STK3: variants seen among roughly 807,000 people sequenced by gnomAD.
STK3 encodes serine/threonine-protein kinase 3.
STK3 carries 41 observed loss-of-function variants against 58.0 expected under a neutral mutation model. The ratio of observed to expected loss-of-function variants is 0.71; its 90% CI spans 0.55 to 0.92. The LOEUF is 0.92. STK3 is among the 40% of genes least tolerant of loss of function. The pLI, the probability that STK3 is intolerant of heterozygous loss-of-function variation, is 0.00. For synonymous variants in STK3, 170 were observed against 191.0 expected (o/e 0.89, Z 0.91); for missense variants, 479 against 602.7 (o/e 0.79, Z 2.15).
At chr8:98,849,922 C>A (rs1444157130) in intron 3 of STK3, among the ~76,000 whole-genome samples, 1 of 152,090 alleles carries the variant, frequency 6.6e-6, no homozygotes. Flanking sequence ...TGAGAGGTTA[C>A]TGAAAGGAAA....
At chr8:98,804,738 A>G (rs1833798255) in intron 1 of STK3, among the ~76,000 whole-genome samples, 3 of 152,212 alleles carry the variant, frequency 2.0e-5, no homozygotes, top group African/African-American at 7.2e-5. Flanking sequence ...AAGAAATATT[A>G]AACAGATGAA....
chr8:98,583,040 T>G (rs1361505726), intron 7 of STK3, among the ~76,000 whole-genome samples: 1 of 152,176 alleles, frequency 6.6e-6, no homozygotes, highest in Non-Finnish European at 1.5e-5. Context: ...TGATTTCTGC[T>G]GTCAATTTTG....
At chr8:98,504,497 C>A (rs1823889664) in intron 10 of STK3, among the ~76,000 whole-genome samples, 1 of 152,274 alleles carries the variant, frequency 6.6e-6, no homozygotes, top group African/African-American at 2.4e-5. Context: ...ACAGTCTTTA[C>A]AATTTGGCAT....
chr8:98,915,646 GAT>G (rs534550365), intron 1 of STK3, among the ~76,000 whole-genome samples: 296 of 151,612 alleles, frequency 2.0e-3, no homozygotes, highest in African/African-American at 6.8e-3. Flanking sequence ...CTGATTGATT[GAT>G]ATGTGTGTGT....
intron 8 of STK3, among the ~76,000 whole-genome samples, chr8:98,553,971 T>C (rs1301571232): frequency 1.3e-5 from 2 of 149,836 alleles, no homozygotes; most frequent in African/African-American, 4.9e-5. Flanking sequence ...AAAAAAAAAG[T>C]CTCTTATTAA....
chr8:98,515,856 T>G (rs1001765192), intron 10 of STK3, among the ~76,000 whole-genome samples: 1 of 152,090 alleles, frequency 6.6e-6, no homozygotes, highest in Non-Finnish European at 1.5e-5. Context: ...GTTTGTTACA[T>G]ATGTATACAT....
At chr8:98,728,026 T>C (rs1340535206) in intron 4 of STK3, among the ~76,000 whole-genome samples, 1 of 152,200 alleles carries the variant, frequency 6.6e-6, no homozygotes, top group Non-Finnish European at 1.5e-5. Context: ...TGATCATTCA[T>C]CAAGCTTCAT....
intron 10 of STK3, among the ~76,000 whole-genome samples, chr8:98,463,639 A>G (rs912369259): frequency 6.6e-6 from 1 of 152,170 alleles, no homozygotes; most frequent in South Asian, 2.1e-4. Flanking sequence ...AAGTTTACAT[A>G]TCTAGTCTAC....
At chr8:98,692,312 C>A (rs1325610626) in intron 6 of STK3, among the ~76,000 whole-genome samples, 2 of 152,108 alleles carry the variant, frequency 1.3e-5, no homozygotes, top group Admixed American at 6.6e-5. Context: ...GGAAGAAACC[C>A]AAGTACCCAT....
At chr8:98,843,965 G>A (rs1237143920) in intron 3 of STK3, among the ~76,000 whole-genome samples, 2 of 152,160 alleles carry the variant, frequency 1.3e-5, no homozygotes, top group Non-Finnish European at 2.9e-5. Flanking sequence ...TTCAAGTCCA[G>A]CATAGCCAAC....
At chr8:98,479,360 GC>G (rs1821641172) in intron 10 of STK3, among the ~76,000 whole-genome samples, 1 of 151,860 alleles carries the variant, frequency 6.6e-6, no homozygotes, top group Middle Eastern at 3.2e-3. Flanking sequence ...GGCAGTGGGT[GC>G]CTGTAATCCC....
chr8:98,689,466 C>T (rs1462039045), intron 6 of STK3, among the ~76,000 whole-genome samples: 1 of 151,978 alleles, frequency 6.6e-6, no homozygotes, highest in Non-Finnish European at 1.5e-5. Context: ...GAACATAAGA[C>T]CCAAAATTCC....
Position 98,428,622 on chromosome 8 carries a change from C to G in STK3, n.483+5505G>C. 6.2e-7 allele frequency: 1 copy of G among 1,614,176 alleles called. No homozygotes were observed. Among genetic ancestry groups the G allele is most frequent in the Non-Finnish European group, 8.5e-7 (1 of 1,180,030 alleles). On this transcript the variant is annotated intron_variant and non_coding_transcript_variant, in intron 3 of 3. Transcript: ENST00000517832. The surrounding 1 kb of genome is among the most constrained non-coding windows in gnomAD (Gnocchi z 6.7). ...CAATAGCCTGCCCGATTTCCAAATCCCTGACAGCCAGGGCAACCCTGGCGA... is the reference window on the plus strand; with the variant it reads ...CAATAGCCTGCCCGATTTCCAAATCGCTGACAGCCAGGGCAACCCTGGCGA...
chr8:98,478,058 CT>C (rs1294046426), intron 10 of STK3, among the ~76,000 whole-genome samples: 1 of 152,110 alleles, frequency 6.6e-6, no homozygotes, highest in African/African-American at 2.4e-5. Flanking sequence ...AGACAGACCC[CT>C]GGGCTATGTG....
chr8:98,577,324 T>C (rs539704384), intron 8 of STK3, among the ~76,000 whole-genome samples: 37 of 152,032 alleles, frequency 2.4e-4, no homozygotes, highest in African/African-American at 8.4e-4. Flanking sequence ...TGGTCTCTAC[T>C]AAAAATACAA....
intron 9 of STK3, among the ~76,000 whole-genome samples, chr8:98,537,128 A>G (rs2131536368): frequency 1.3e-5 from 2 of 152,330 alleles, no homozygotes; most frequent in Middle Eastern, 6.8e-3. Flanking sequence ...TTCTTTTTGG[A>G]TGATTTAATA....
At chr8:98,685,087 A>G (rs1041892035) in intron 6 of STK3, among the ~76,000 whole-genome samples, 7 of 152,154 alleles carry the variant, frequency 4.6e-5, no homozygotes, top group African/African-American at 1.7e-4. Flanking sequence ...TAATAAATCA[A>G]TTTAACTCAT....
intron 2 of STK3, chr8:98,434,335 A>C (rs1344625463): frequency 1.3e-5 from 2 of 152,240 alleles, no homozygotes; most frequent in East Asian, 3.8e-4. Flanking sequence ...CAAGGGTATA[A>C]ATGGATATTC....
intron 10 of STK3, among the ~76,000 whole-genome samples, chr8:98,510,459 G>GTT (rs34660176): frequency 1.3e-4 from 20 of 150,802 alleles, no homozygotes; most frequent in East Asian, 7.8e-4. Context: ...ACATCAGAGG[G>GTT]TTTTTTTTTA....
Sources: gnomAD v4.1 joint callset for allele counts (sites outside exome capture counted in the v4.1 genomes callset) on GRCh38, gnomAD v4.1.1 for gene constraint, Gnocchi (gnomAD v3.1) non-coding constraint, MANE v1.5 for transcripts, NCBI Gene and HGNC (gene_info 2026-07-23, HGNC 2026-07-21) for gene names.